The following SCN8A variants were observed in gnomAD, a reference collection of about 807,000 sequenced individuals.
SCN8A encodes the protein sodium channel protein type 8 subunit alpha.
A neutral mutation model predicts 184.1 loss-of-function variants in SCN8A; 30 were observed. The observed-to-expected ratio is 0.16, with a 90% CI of 0.12 to 0.22. The LOEUF (loss-of-function observed/expected upper bound fraction) is 0.22, where lower values mean the gene tolerates loss of function less well. SCN8A is among the 10% of genes least tolerant of loss of function. SCN8A has a pLI of 1.00. For synonymous variants in SCN8A, 852 were observed against 907.0 expected (o/e 0.94, Z 1.09); for missense variants, 1,057 against 2,498.9 (o/e 0.42, Z 12.30).
intron 8 of SCN8A, among the ~76,000 whole-genome samples, chr12:51,702,164 A>G (rs2138741150): frequency 6.6e-6 from 1 of 152,072 alleles, no homozygotes; most frequent in East Asian, 1.9e-4. Flanking sequence ...TCTACTAAAA[A>G]TACAAAAATT....
chr12:51,618,585 A>G (rs1404634725), intron 1 of SCN8A, among the ~76,000 whole-genome samples: 1 of 152,002 alleles, frequency 6.6e-6, no homozygotes, highest in East Asian at 1.9e-4. Context: ...ACTATCTGCT[A>G]TCAATTATTT....
chr12:51,794,484 A>G lies in SCN8A; in HGVS notation c.4638A>G (p.Gln1546=). Residue 1546 remains glutamine (Q), a synonymous_variant, in exon 26 of 27, where the codon CAA becomes CAG. Coordinates refer to ENST00000627620, the MANE Select transcript of SCN8A (RefSeq NM_001330260.2). ...CAATGATGGTGGAGACAGACACTCA[A>G]AGCAAGCAGATGGAGAACATCCTCT... is the stretch of plus-strand genomic sequence containing the variant. ...MVTMMVETDT[Q]SKQMENILYW... 1 of 1,614,018 alleles carries G rather than the reference A, an allele frequency of 6.2e-7. No individual in the cohort carries two copies. The highest frequency in any genetic ancestry group is 8.5e-7 in the Non-Finnish European group (1 of 1,179,898).
rs1442497101 is a variant in SCN8A at position 51,706,697 on chromosome 12, A to G, written c.1617A>G (p.Lys539=). ...TGCCAGACAACAGAATAGGGAGGAA[A>G]TTTTCCATCATGAATCAGGTAAACT... is the stretch of plus-strand genomic sequence containing the variant. ...FRLPDNRIGR[K]FSIMNQSLLS... The change falls in exon 11 of 27, where the codon AAA becomes AAG. Residue 539 remains lysine (K), a synonymous_variant. Transcript: ENST00000627620. 6.5e-7 allele frequency: 1 copy of G among 1,544,016 alleles called. No individual in the cohort carries two copies. Among genetic ancestry groups the G allele is most frequent in the Non-Finnish European group, 8.7e-7 (1 of 1,150,964 alleles).
intron 2 of SCN8A, among the ~76,000 whole-genome samples, chr12:51,673,546 A>G (rs867969301): frequency 2.2e-4 from 33 of 152,340 alleles, no homozygotes; most frequent in Admixed American, 1.9e-3. Context: ...AAGTGACCGT[A>G]TAGCTTCAAC....
rs778177119 is a variant in SCN8A, at chr12:51,662,826, G to A, written c.9G>A (p.Ala3=). 14 of 1,613,588 alleles carry A rather than the reference G, an allele frequency of 8.7e-6. No homozygotes were observed. Among genetic ancestry groups the A allele is most frequent in the South Asian group, 5.5e-5 (5 of 91,078 alleles). ...TGCTGCAGGATGAGAAGATGGCAGC[G>A]CGGCTGCTTGCACCACCAGGCCCTG... The part of the protein sequence containing the change: MA[A]RLLAPPGPDS... Residue 3 remains alanine, a synonymous_variant, in exon 2 of 27, where the codon GCG becomes GCA. Transcript: ENST00000627620.
chr12:51,686,949 C>T, intron 4 of SCN8A, 142 bp from the exon 5 acceptor site: 2 of 755,370 alleles, frequency 2.6e-6, no homozygotes, highest in Non-Finnish European at 4.4e-6. Flanking sequence ...TTCTCCTCCT[C>T]ACTTCCTTCC....
chr12:51,607,571 A>G (rs983036239), intron 1 of SCN8A, among the ~76,000 whole-genome samples: 12 of 152,324 alleles, frequency 7.9e-5, no homozygotes, highest in Non-Finnish European at 1.8e-4. Flanking sequence ...TCAGTTTGTC[A>G]TAGATGGCTT....
At chr12:51,727,326 G>T (rs932213610) in intron 12 of SCN8A, among the ~76,000 whole-genome samples, 3 of 151,106 alleles carry the variant, frequency 2.0e-5, no homozygotes, top group Non-Finnish European at 2.9e-5. Flanking sequence ...AAAATACAAG[G>T]CTCCTAACTT....
Position 51,610,609 on chromosome 12 carries a change from ATTTG to A in SCN8A, c.-55+19256_-55+19259del, listed in dbSNP as rs2138576623. On this transcript the variant is annotated intron_variant, in intron 1 of 26. Coordinates refer to ENST00000627620, the MANE Select transcript of SCN8A (RefSeq NM_001330260.2). ...CTTGGTAGTGGCAAATTCTCTCAGC[ATTTG>A]TTTGTCTGAAAAAGACTGTATCTTT... Among the ~76,000 whole-genome samples the A allele has an allele frequency of 2.0e-5, 3 of 152,192 alleles. No individual in the cohort carries two copies. In the South Asian group the frequency reaches 6.2e-4, roughly 32 times the overall value.
intron 1 of SCN8A, among the ~76,000 whole-genome samples, chr12:51,637,873 G>A (rs1361641672): frequency 6.6e-6 from 1 of 152,192 alleles, no homozygotes; most frequent in African/African-American, 2.4e-5. Context: ...ATGCCATCTA[G>A]GACTTTCATA....
At chr12:51,644,699 G>A (rs561212010) in intron 1 of SCN8A, among the ~76,000 whole-genome samples, 73 of 146,184 alleles carry the variant, frequency 5.0e-4, no homozygotes, top group African/African-American at 1.5e-3. Context: ...GCCGCCCATC[G>A]TCTGGGATGT....
intron 1 of SCN8A, among the ~76,000 whole-genome samples, chr12:51,640,543 G>T (rs1022813191): frequency 1.3e-5 from 2 of 152,042 alleles, no homozygotes; most frequent in African/African-American, 4.8e-5. Flanking sequence ...AATAGGAATG[G>T]CACAGCCAAA....
At chr12:51,644,916 C>T (rs1430759208) in intron 1 of SCN8A, among the ~76,000 whole-genome samples, 91 of 150,298 alleles carry the variant, frequency 6.1e-4, no homozygotes, top group African/African-American at 1.1e-3. Context: ...GGAGACCCTC[C>T]GCCCGGCAGC....
At chr12:51,746,225 A>G (rs1192823005) in intron 13 of SCN8A, among the ~76,000 whole-genome samples, 190 bp downstream of exon 13, 1 of 152,208 alleles carries the variant, frequency 6.6e-6, no homozygotes, top group Non-Finnish European at 1.5e-5. Context: ...AATCAAATAT[A>G]TGGGCTTCAG....
Position 51,712,960 on chromosome 12 carries a change from C to T in SCN8A, c.1635+6245C>T, listed in dbSNP as rs1454061898. ...CATAAAATTGCCAGATCCACCTCCA[C>T]GACCTGTCCGTGATCCAGCGGACTG... is the stretch of plus-strand genomic sequence containing the variant. On this transcript the variant is annotated intron_variant, in intron 11 of 26. Coordinates refer to ENST00000627620, the MANE Select transcript of SCN8A (RefSeq NM_001330260.2). 38 of 1,590,868 alleles carry T rather than the reference C, an allele frequency of 2.4e-5. 1 individual carries two copies. The South Asian group carries it at 2.4e-4, about 10-fold the overall frequency.
chr12:51,634,656 A>ATCATT (rs1940274947), intron 1 of SCN8A, among the ~76,000 whole-genome samples: 1 of 136,652 alleles, frequency 7.3e-6, no homozygotes, highest in Admixed American at 7.5e-5. Context: ...TATTATTATT[A>ATCATT]TTTTTTTTTT....
At chr12:51,791,045 C>T (rs1938235681) in intron 25 of SCN8A, among the ~76,000 whole-genome samples, 1 of 152,110 alleles carries the variant, frequency 6.6e-6, no homozygotes, top group Admixed American at 6.5e-5. Flanking sequence ...TGAGATTCTG[C>T]TCCATTGTTC....
At chr12:51,634,930 G>C (rs187321495) in intron 1 of SCN8A, among the ~76,000 whole-genome samples, 1 of 152,062 alleles carries the variant, frequency 6.6e-6, no homozygotes, top group Non-Finnish European at 1.5e-5. Context: ...GATTACAGGC[G>C]TGAGCCACCA....
At position 51,664,670 on chromosome 12, in the gene SCN8A, C is replaced by A. The variant is rs375639809; in HGVS notation, c.276+1577C>A. 9.9e-5 allele frequency among the ~76,000 whole-genome samples: 15 copies of A among 152,202 alleles called. No homozygotes were observed. In the South Asian group the frequency reaches 1.7e-3, roughly 17 times the overall value. ...TAAACTATTTTTTCCAACTCAAATGCAAATTAATTTCTCATTTTCTTTTTG... is the reference window on the plus strand; with the variant it reads ...TAAACTATTTTTTCCAACTCAAATGAAAATTAATTTCTCATTTTCTTTTTG... On this transcript the variant is annotated intron_variant, in intron 2 of 26. Transcript: ENST00000627620.
Sources: allele counts gnomAD v4.1 joint callset (sites outside exome capture counted in the v4.1 genomes callset), GRCh38; gene constraint gnomAD v4.1.1; transcripts MANE v1.5; gene names NCBI Gene and HGNC (gene_info 2026-07-23, HGNC 2026-07-21).